The following EYA4 variants were observed in gnomAD, a reference collection of about 807,000 sequenced individuals.
EYA4 encodes protein phosphatase EYA4.
In EYA4, 31 loss-of-function variants were observed where a neutral mutation model predicts 87.9. The ratio of observed to expected loss-of-function variants is 0.35; its 90% confidence interval spans 0.27 to 0.48. The LOEUF is 0.48. EYA4 is among the 20% of genes least tolerant of loss of function. EYA4 has a pLI of 0.99. For missense variants in EYA4, 678 were observed against 761.4 expected, an observed-to-expected ratio of 0.89 and a Z score of 1.29; for synonymous variants, 263 against 270.6, an observed-to-expected ratio of 0.97 and a Z score of 0.28.
At chr6:133,415,190 A>G (rs1455788967) in intron 3 of EYA4, among the ~76,000 whole-genome samples, 1 of 152,166 alleles carries the variant, frequency 6.6e-6, no homozygotes, top group Non-Finnish European at 1.5e-5. Flanking sequence ...CCAGAGCCTT[A>G]TTGTATTGAC....
intron 2 of EYA4, among the ~76,000 whole-genome samples, chr6:133,355,122 G>A (rs368842752): frequency 6.6e-6 from 1 of 152,214 alleles, no homozygotes; most frequent in East Asian, 1.9e-4. Context: ...AGGGGTACAA[G>A]TGCAGGGTTT....
At chr6:133,433,135 A>G (rs2128590076) in intron 3 of EYA4, among the ~76,000 whole-genome samples, 1 of 152,386 alleles carries the variant, frequency 6.6e-6, no homozygotes, top group South Asian at 2.1e-4. Context: ...ACTATAGATC[A>G]GTGAACCACT....
intron 14 of EYA4, 128 bp from the exon 15 acceptor site, chr6:133,512,593 A>G (rs1045618433): frequency 6.4e-6 from 5 of 776,592 alleles, no homozygotes; most frequent in African/African-American, 3.4e-5. Flanking sequence ...GAGTGAGGCA[A>G]TGAGATGGAC....
intron 3 of EYA4, among the ~76,000 whole-genome samples, chr6:133,405,150 G>A (rs1362681842): frequency 6.6e-6 from 1 of 152,092 alleles, no homozygotes; most frequent in African/African-American, 2.4e-5. Context: ...AACACACTGT[G>A]CTAGAATATT....
intron 3 of EYA4, among the ~76,000 whole-genome samples, chr6:133,384,033 A>G (rs1482148280): frequency 6.6e-6 from 1 of 152,208 alleles, no homozygotes; most frequent in African/African-American, 2.4e-5. Flanking sequence ...GGAAAAACAG[A>G]ACAATATAAT....
intron 13 of EYA4, among the ~76,000 whole-genome samples, chr6:133,503,704 C>T (rs1798335491): frequency 6.6e-6 from 1 of 152,062 alleles, no homozygotes; most frequent in Non-Finnish European, 1.5e-5. Context: ...GCCTAGTTCC[C>T]CCAACCCTGT....
intron 3 of EYA4, among the ~76,000 whole-genome samples, chr6:133,418,859 C>T (rs1052956548): frequency 6.6e-6 from 1 of 152,006 alleles, no homozygotes; most frequent in Non-Finnish European, 1.5e-5. Context: ...AAACGGTAAA[C>T]CCAGGAGCAG....
At chr6:133,487,587 C>T (rs893899774) in intron 13 of EYA4, among the ~76,000 whole-genome samples, 1 of 152,188 alleles carries the variant, frequency 6.6e-6, no homozygotes, top group African/African-American at 2.4e-5. Context: ...GCTCCAGTTC[C>T]AGGCCCTGGT....
At chr6:133,375,091 G>A (rs1232949385) in intron 2 of EYA4, among the ~76,000 whole-genome samples, 2 of 151,922 alleles carry the variant, frequency 1.3e-5, no homozygotes, top group South Asian at 2.1e-4. Context: ...GAAGTATAAC[G>A]TAAGTGAAAG....
intron 11 of EYA4, among the ~76,000 whole-genome samples, chr6:133,479,490 C>CTATT (rs1490404197): frequency 2.0e-5 from 3 of 152,112 alleles, no homozygotes; most frequent in Admixed American, 6.6e-5. Flanking sequence ...GTAAAAATTA[C>CTATT]TATTTCTCAG....
At chr6:133,388,995 C>T (rs2128491793) in intron 3 of EYA4, among the ~76,000 whole-genome samples, 1 of 152,098 alleles carries the variant, frequency 6.6e-6, no homozygotes, top group East Asian at 1.9e-4. Context: ...GCATTCACCA[C>T]TGCTACTTGC....
At position 133,446,640 on chromosome 6, in the gene EYA4, A is replaced by G; in HGVS notation, c.94A>G (p.Met32Val). ...SQSQNSRSME[M>V]QDLASPHTLV... ...TTACTGCTCTACCAGGTCTATGGAA[A>G]TGCAGGACCTAGCAAGTCCTCATAC... The change falls in exon 4 of 20, where the codon ATG (methionine) becomes GTG (valine). Residue 32 changes from methionine to valine, a missense_variant. By Grantham distance (21) the Met-to-Val change is conservative. Transcript: ENST00000355286. 1 of 1,613,990 alleles carries G rather than the reference A, an allele frequency of 6.2e-7. No homozygotes were observed. Among genetic ancestry groups the G allele is most frequent in the South Asian group, 1.1e-5 (1 of 91,080 alleles).
intron 3 of EYA4, among the ~76,000 whole-genome samples, chr6:133,398,342 T>G (rs529532240): frequency 8.1e-4 from 124 of 152,310 alleles, no homozygotes; most frequent in African/African-American, 2.6e-3. Context: ...ATATTCTTAC[T>G]CCTTTTCTTA....
At chr6:133,492,620 A>G (rs1797285455) in intron 13 of EYA4, among the ~76,000 whole-genome samples, 1 of 152,244 alleles carries the variant, frequency 6.6e-6, no homozygotes, top group Non-Finnish European at 1.5e-5. Context: ...GTTAGACAGT[A>G]GAAAGAAATA....
At chr6:133,425,444 C>G (rs1424815005) in intron 3 of EYA4, among the ~76,000 whole-genome samples, 1 of 150,444 alleles carries the variant, frequency 6.6e-6, no homozygotes, top group Non-Finnish European at 1.5e-5. Flanking sequence ...GACACCCCCC[C>G]AACCTCGCCA....
At chr6:133,265,747 A>G (rs1239956770) in intron 1 of EYA4, among the ~76,000 whole-genome samples, 1 of 152,244 alleles carries the variant, frequency 6.6e-6, no homozygotes, top group Non-Finnish European at 1.5e-5. Context: ...AAAGCAAAGT[A>G]TTATGTTGTA....
chr6:133,417,502 A>G (rs1183297366), intron 3 of EYA4, among the ~76,000 whole-genome samples: 1 of 152,182 alleles, frequency 6.6e-6, no homozygotes, highest in East Asian at 1.9e-4. Flanking sequence ...TATTCAATAT[A>G]TGTCAAGATA....
chr6:133,320,101 T>C (rs763512506), intron 2 of EYA4, among the ~76,000 whole-genome samples: 29 of 152,180 alleles, frequency 1.9e-4, no homozygotes, highest in Non-Finnish European at 3.1e-4. Flanking sequence ...TGTGTTTGTA[T>C]GTATTCATAT....
intron 3 of EYA4, among the ~76,000 whole-genome samples, chr6:133,389,631 A>T (rs1436075712): frequency 6.6e-6 from 1 of 152,168 alleles, no homozygotes; most frequent in Non-Finnish European, 1.5e-5. Context: ...TCTCTCTGCC[A>T]TCTCAGCTCC....
Sources: allele counts gnomAD v4.1 joint callset (sites outside exome capture counted in the v4.1 genomes callset), GRCh38; gene constraint gnomAD v4.1.1; transcripts MANE v1.5; gene names NCBI Gene and HGNC (gene_info 2026-07-23, HGNC 2026-07-21).